Variants in SNPH observed in about 807,000 individuals in gnomAD.
The protein encoded by SNPH is syntaphilin.
A neutral mutation model predicts 36.8 loss-of-function variants in SNPH; 10 were observed. The observed-to-expected ratio is 0.27, with a 90% confidence interval of 0.17 to 0.46. SNPH has a LOEUF of 0.46. Ranked by LOEUF, SNPH falls within the 20% of genes least tolerant of loss-of-function variation. The pLI, the probability that SNPH is intolerant of heterozygous loss-of-function variation, is 1.00. For synonymous variants in SNPH, 281 were observed against 312.2 expected (o/e 0.90, Z 1.05); for missense variants, 622 against 744.0 (o/e 0.84, Z 1.91).
At chr20:1,280,924 C>T (rs2088209684) in intron 2 of SNPH, among the ~76,000 whole-genome samples, 1 of 152,218 alleles carries the variant, frequency 6.6e-6, no homozygotes, top group African/African-American at 2.4e-5. Flanking sequence ...GGATAGCAGA[C>T]ACCTAGCCAG....
chr20:1,277,869 GTGTCTGTC>G (rs140025188), intron 2 of SNPH, among the ~76,000 whole-genome samples: 2 of 145,278 alleles, frequency 1.4e-5, no homozygotes, highest in South Asian at 2.2e-4. Context: ...GTGTGCCTGT[GTGTCTGTC>G]TGTGCCGATG....
At chr20:1,272,613 G>C (rs140106575) in intron 2 of SNPH, among the ~76,000 whole-genome samples, 1 of 152,240 alleles carries the variant, frequency 6.6e-6, no homozygotes, top group Admixed American at 6.5e-5. Context: ...GTATGTGACC[G>C]GCCATCCGTC....
chr20:1,273,957 G>A (rs902774640), intron 2 of SNPH, among the ~76,000 whole-genome samples: 4 of 152,148 alleles, frequency 2.6e-5, no homozygotes, highest in Admixed American at 6.5e-5. Flanking sequence ...TCAGAGCTGC[G>A]TTCTTCCCTC....
intron 2 of SNPH, among the ~76,000 whole-genome samples, chr20:1,292,493 T>C (rs946353270): frequency 6.6e-6 from 1 of 152,244 alleles, no homozygotes; most frequent in African/African-American, 2.4e-5. Context: ...CCATTGTTCC[T>C]GCCATGACCC....
chr20:1,288,166 C>T (rs959695221), intron 2 of SNPH, among the ~76,000 whole-genome samples: 3 of 152,168 alleles, frequency 2.0e-5, no homozygotes, highest in South Asian at 2.1e-4. Flanking sequence ...TGCTGATGTC[C>T]GCTGAGGTGA....
chr20:1,300,477 G>A (rs1294224645), intron 5 of SNPH, 85 bp from the exon 6 acceptor site: 9 of 1,460,112 alleles, frequency 6.2e-6, no homozygotes, highest in African/African-American at 1.4e-5. Flanking sequence ...TGGTGAGGCT[G>A]GTGTCCCCTT....
chr20:1,305,739 C>T lies in SNPH; in HGVS notation c.1302C>T (p.Ala434=), dbSNP rs2088566565. 1.2e-6 allele frequency: 2 copies of T among 1,611,386 alleles called. No individual in the cohort carries two copies. Among genetic ancestry groups the T allele is most frequent in the East Asian group, 2.2e-5 (1 of 44,854 alleles). The part of the protein sequence containing the change: ...TRGPTPQRPG[A]NPNPGQSVSV... ...GACCCACCCCACAGCGGCCTGGTGCCAACCCCAACCCTGGCCAGTCGGTGA... is the reference window on the plus strand; with the variant it reads ...GACCCACCCCACAGCGGCCTGGTGCTAACCCCAACCCTGGCCAGTCGGTGA... The change falls in exon 7 of 7, where the codon GCC becomes GCT. Residue 434 remains alanine, a synonymous_variant. Coordinates refer to ENST00000381867, the MANE Select transcript of SNPH (RefSeq NM_001318234.2).
At position 1,305,017 on chromosome 20, in the gene SNPH, G is replaced by A. The variant is rs767145769; in HGVS notation, c.580G>A (p.Asp194Asn). The change falls in exon 7 of 7, where the codon GAC becomes AAC. Residue 194 changes from aspartate to asparagine, a missense_variant. Coordinates refer to ENST00000381867, the MANE Select transcript of SNPH (RefSeq NM_001318234.2). ...GATCAAGCAGCTCAAGCAGGTCATCGACACTGTCAAGAACAACCTGATTGA... is the reference window on the plus strand; with the variant it reads ...GATCAAGCAGCTCAAGCAGGTCATCAACACTGTCAAGAACAACCTGATTGA... ...KEIKQLKQVI[D>N]TVKNNLIDKD... is the part of the protein sequence containing the mutation. The A allele has an allele frequency of 1.9e-6, 3 of 1,614,076 alleles. No homozygotes were observed. The highest frequency in any genetic ancestry group is 1.6e-4 in the Middle Eastern group (1 of 6,062).
At chr20:1,284,271 C>T (rs79455830) in intron 2 of SNPH, among the ~76,000 whole-genome samples, 1,790 of 152,228 alleles carry the variant, frequency 0.012, 25 homozygotes, top group Non-Finnish European at 0.018. Context: ...TTCTTCCCCC[C>T]CTTTTGTTGA....
intron 2 of SNPH, among the ~76,000 whole-genome samples, chr20:1,273,443 C>T (rs1185779526): frequency 6.6e-6 from 1 of 152,204 alleles, no homozygotes; most frequent in African/African-American, 2.4e-5. Context: ...GTATTTACAA[C>T]CATTCATTCA....
intron 2 of SNPH, among the ~76,000 whole-genome samples, chr20:1,288,655 T>A (rs1454565442): frequency 1.4e-5 from 2 of 147,706 alleles, no homozygotes; most frequent in African/African-American, 5.0e-5. Context: ...GAGTCTCCAC[T>A]CTGTCGCCCA....
intron 5 of SNPH, among the ~76,000 whole-genome samples, chr20:1,300,051 A>G (rs986149143): frequency 6.6e-6 from 1 of 152,156 alleles, no homozygotes; most frequent in Admixed American, 6.5e-5. Flanking sequence ...CTTGTCTGCC[A>G]TGCAGACCCA....
intron 6 of SNPH, among the ~76,000 whole-genome samples, chr20:1,301,505 C>CTT (rs11478452): frequency 6.8e-6 from 1 of 146,604 alleles, no homozygotes; most frequent in Non-Finnish European, 1.5e-5. Context: ...TCTTTTCTTT[C>CTT]TTTTTTTTTT....
At chr20:1,298,928 A>G (rs2088473500) in intron 5 of SNPH, among the ~76,000 whole-genome samples, 3 of 151,842 alleles carry the variant, frequency 2.0e-5, no homozygotes, top group Admixed American at 2.0e-4. Context: ...TATTCATGAA[A>G]GCAAAATGAA....
intron 2 of SNPH, among the ~76,000 whole-genome samples, chr20:1,293,614 C>T (rs1224980055): frequency 1.3e-5 from 2 of 152,184 alleles, no homozygotes; most frequent in Non-Finnish European, 2.9e-5. Context: ...AGGTGGCTCC[C>T]TTTGGGCCTG....
intron 6 of SNPH, among the ~76,000 whole-genome samples, chr20:1,302,562 C>G (rs950195690): frequency 4.3e-5 from 6 of 140,610 alleles, no homozygotes; most frequent in Non-Finnish European, 9.2e-5. Flanking sequence ...GCAATCACCG[C>G]CAATTTCTAA....
chr20:1,280,834 G>T (rs114902198), intron 2 of SNPH, among the ~76,000 whole-genome samples: 1 of 152,120 alleles, frequency 6.6e-6, no homozygotes, highest in Non-Finnish European at 1.5e-5. Context: ...CCTCGATTTC[G>T]AATCCAGCTC....
At position 1,305,067 on chromosome 20, in the gene SNPH, C is replaced by T. The variant is rs370939722; in HGVS notation, c.630C>T (p.Tyr210=). The change falls in exon 7 of 7, where the codon TAC becomes TAT. Residue 210 remains tyrosine, a synonymous_variant. Coordinates refer to ENST00000381867, the MANE Select transcript of SNPH (RefSeq NM_001318234.2). ...ACAAGGACAAGGGGCTGCAGAAGTACTTCGTGGACATCAACATCCAGAACA... is the reference window on the plus strand; with the variant it reads ...ACAAGGACAAGGGGCTGCAGAAGTATTTCGTGGACATCAACATCCAGAACA... The part of the protein sequence containing the change: ...LIDKDKGLQK[Y]FVDINIQNKK... 5.8e-5 allele frequency: 93 copies of T among 1,613,976 alleles called. No individual in the cohort carries two copies. Among genetic ancestry groups the T allele is most frequent in the Non-Finnish European group, 7.7e-5 (91 of 1,180,052 alleles).
At chr20:1,271,529 A>AG (rs908520640) in intron 2 of SNPH, among the ~76,000 whole-genome samples, 10 of 152,200 alleles carry the variant, frequency 6.6e-5, no homozygotes, top group African/African-American at 2.4e-4. Context: ...TTTAGTAGAG[A>AG]GGGGGTTTCA....
Sources: allele counts gnomAD v4.1 joint callset (sites outside exome capture counted in the v4.1 genomes callset), GRCh38; gene constraint gnomAD v4.1.1; transcripts MANE v1.5; gene names NCBI Gene and HGNC (gene_info 2026-07-23, HGNC 2026-07-21).